Variants in PAK1 observed in about 807,000 individuals in gnomAD.
PAK1 encodes the protein serine/threonine-protein kinase PAK 1.
PAK1 carries 29 observed loss-of-function variants against 67.4 expected under a neutral mutation model. The ratio of observed to expected loss-of-function variants is 0.43; its 90% confidence interval spans 0.32 to 0.59. The LOEUF is 0.59. Among genes scored for constraint, PAK1 ranks in the 20% least tolerant of loss-of-function variants. PAK1 has a pLI of 0.07. For missense variants in PAK1, 337 were observed against 670.7 expected (o/e 0.50, Z 5.50); for synonymous variants, 223 against 237.4 (o/e 0.94, Z 0.56).
chr11:77,339,884 C>T (rs1039345959), intron 11 of PAK1, among the ~76,000 whole-genome samples: 7 of 151,660 alleles, frequency 4.6e-5, no homozygotes, highest in Non-Finnish European at 1.0e-4. Context: ...ATTGGGCCAT[C>T]AGAAAGTCCA....
intron 1 of PAK1, among the ~76,000 whole-genome samples, chr11:77,456,604 T>C (rs1216778805): frequency 6.6e-6 from 1 of 152,214 alleles, no homozygotes. Context: ...TTTTAGCTTC[T>C]CTATCCTGTA....
the PAK1 span, among the ~76,000 whole-genome samples, chr11:77,490,332 G>C: frequency 6.9e-6 from 1 of 145,246 alleles, no homozygotes; most frequent in African/African-American, 2.7e-5. Context: ...AGGGAGGTGG[G>C]GGGGTCAGCC....
the PAK1 span, among the ~76,000 whole-genome samples, chr11:77,515,690 A>G: frequency 6.6e-6 from 1 of 152,236 alleles, no homozygotes; most frequent in African/African-American, 2.4e-5. Flanking sequence ...CTCCTCCTTC[A>G]ACATTTGAAT....
chr11:77,444,973 C>CA (rs34653938), intron 1 of PAK1, among the ~76,000 whole-genome samples: 43,300 of 143,524 alleles, frequency 0.3, 6,388 homozygotes, highest in South Asian at 0.42. Flanking sequence ...AATTGTGTCT[C>CA]AAAAAAAAAA....
At chr11:77,404,541 A>G (rs1953188113) in intron 1 of PAK1, among the ~76,000 whole-genome samples, 1 of 152,284 alleles carries the variant, frequency 6.6e-6, no homozygotes, top group African/African-American at 2.4e-5. Context: ...TGCTGGGATT[A>G]CAGATGTGAG....
chr11:77,349,179 A>G, intron 9 of PAK1, 60 bp downstream of exon 9: 3 of 1,339,082 alleles, frequency 2.2e-6, no homozygotes, highest in Non-Finnish European at 3.2e-6. Context: ...AGGGCTAAAA[A>G]TTAATCCCAA....
chr11:77,399,450 G>A (rs1952307072), intron 1 of PAK1, among the ~76,000 whole-genome samples: 1 of 152,184 alleles, frequency 6.6e-6, no homozygotes, highest in East Asian at 1.9e-4. Context: ...TAGGCTATTA[G>A]AATCCCCTGT....
At chr11:77,391,700 T>TTTGC (rs1315388933) in intron 2 of PAK1, among the ~76,000 whole-genome samples, 1 of 152,218 alleles carries the variant, frequency 6.6e-6, no homozygotes, top group African/African-American at 2.4e-5. Flanking sequence ...ATATACACTA[T>TTTGC]TAAATCAACA....
At chr11:77,345,375 G>T (rs941151687) in intron 9 of PAK1, among the ~76,000 whole-genome samples, 8 of 151,962 alleles carry the variant, frequency 5.3e-5, no homozygotes, top group Non-Finnish European at 1.2e-4. Flanking sequence ...CTATCCCATA[G>T]AAGTATACTT....
intron 11 of PAK1, among the ~76,000 whole-genome samples, chr11:77,338,540 G>GA (rs990516022): frequency 5.9e-5 from 9 of 152,144 alleles, no homozygotes; most frequent in Non-Finnish European, 8.8e-5. Context: ...AGCTACTACG[G>GA]AAACAGTTTG....
intron 1 of PAK1, among the ~76,000 whole-genome samples, chr11:77,398,851 C>G (rs1357213685): frequency 6.6e-6 from 1 of 152,190 alleles, no homozygotes; most frequent in Non-Finnish European, 1.5e-5. Flanking sequence ...TCCGCTACTT[C>G]TGATTTATGA....
upstream of PAK1, chr11:77,476,865 T>G (rs1008553438): frequency 2.0e-5 from 3 of 152,052 alleles, no homozygotes; most frequent in African/African-American, 7.3e-5. Flanking sequence ...ATGCTTGTAA[T>G]CCCAGCTACT....
intron 11 of PAK1, 27 bp from the exon 12 acceptor site, chr11:77,337,450 G>A (rs764513244): frequency 1.7e-6 from 2 of 1,198,830 alleles, no homozygotes; most frequent in Non-Finnish European, 2.5e-6. Flanking sequence ...GGCAGGGGGA[G>A]AAAGAAAGGA....
rs543336499 is a variant in PAK1, at chr11:77,471,728, G to A, written c.-22+1824C>T. Among the ~76,000 whole-genome samples, 51 of 152,302 alleles carry A rather than the reference G, an allele frequency of 3.3e-4. No homozygotes were observed. In the Middle Eastern group the frequency reaches 0.017, roughly 51 times the overall value. On this transcript the variant is annotated intron_variant, in intron 1 of 14. Transcript: ENST00000356341. The stretch of plus-strand genomic sequence containing the variant: ...AGAATATGAAGAGTCAGGGGTAGGG[G>A]GCGCTGATGTGGTAAGGTTTTGTTT...
the PAK1 span, among the ~76,000 whole-genome samples, chr11:77,525,311 C>T: frequency 6.6e-6 from 1 of 150,830 alleles, no homozygotes; most frequent in Non-Finnish European, 1.5e-5. Context: ...GCCTGGGTGA[C>T]AGAGCCAGAC....
At position 77,365,251 on chromosome 11, in the gene PAK1, CA is replaced by C. The variant is rs1364090865; in HGVS notation, c.478-6235del. Among the ~76,000 whole-genome samples the C allele has an allele frequency of 2.0e-4, 9 of 45,498 alleles. 1 individual carries two copies. The highest frequency in any genetic ancestry group is 4.8e-4 in the Admixed American group (2 of 4,124). The allele number at this position is 45,498 out of a possible 152,430, so 29.8% of individuals were successfully genotyped here. A position where few individuals can be genotyped will look rare whatever the true frequency, so the allele number is the denominator to read the frequency against. On this transcript the variant is annotated intron_variant, in intron 5 of 14. Coordinates refer to ENST00000356341, the MANE Select transcript of PAK1 (RefSeq NM_002576.5). ...TGGGTGACAGAGCAAGACTCTGTCT[CA>C]AAAAAAAAAAAAAAAAGAAAAAAGA...
chr11:77,375,157 G>A (rs569099120), intron 4 of PAK1, among the ~76,000 whole-genome samples: 1 of 152,314 alleles, frequency 6.6e-6, no homozygotes, highest in African/African-American at 2.4e-5. Flanking sequence ...GGTACACACA[G>A]GTTAAAGAGA....
At chr11:77,459,124 A>C (rs760034633) in intron 1 of PAK1, among the ~76,000 whole-genome samples, 1 of 152,228 alleles carries the variant, frequency 6.6e-6, no homozygotes, top group Non-Finnish European at 1.5e-5. Flanking sequence ...GAGATAGAGT[A>C]GGGTTAGAAG....
At chr11:77,340,836 C>T in intron 10 of PAK1, 73 bp from the exon 11 acceptor site, 1 of 846,670 alleles carries the variant, frequency 1.2e-6, no homozygotes. Flanking sequence ...GTTTCAAAGG[C>T]TAAGCATATA....
Sources: allele counts gnomAD v4.1 joint callset (sites outside exome capture counted in the v4.1 genomes callset), GRCh38; gene constraint gnomAD v4.1.1; transcripts MANE v1.5; gene names NCBI Gene and HGNC (gene_info 2026-07-23, HGNC 2026-07-21).